The following COL6A6 variants were observed in gnomAD, a reference collection of about 807,000 sequenced individuals.
COL6A6 encodes the protein collagen alpha-6(VI) chain.
A neutral mutation model predicts 208.6 loss-of-function variants in COL6A6; 183 were observed. The ratio of observed to expected loss-of-function variants is 0.88; its 90% CI spans 0.78 to 0.99. The LOEUF (loss-of-function observed/expected upper bound fraction) is 0.99. COL6A6 is among the 50% of genes least tolerant of loss of function. COL6A6 has a pLI of 0.00. For synonymous variants in COL6A6, 973 were observed against 1,011.8 expected (o/e 0.96, Z 0.73); for missense variants, 2,816 against 2,815.2 (o/e 1.00, Z -0.01).
In COL6A6 at chr3:130,661,652, A is replaced by G; in HGVS notation, c.5846A>G (p.Asp1949Gly). ...TGGTTCACAGATGTGTGCAAGCCAG[A>G]TGCTTCTTGTGACCAAGCCAGACCA... Reference protein sequence around the residue: ...CTFCYDVCKPDASCDQARPPP... With the variant: ...CTFCYDVCKPGASCDQARPPP... The change falls in exon 35 of 37, where the codon GAT (aspartate) becomes GGT (glycine). Residue 1949 changes from aspartate to glycine, a missense_variant. Physicochemically the swap from Asp to Gly is moderately conservative, Grantham distance 94 (BLOSUM62 -1). Transcript: ENST00000358511. 3 of 1,612,620 alleles carry G rather than the reference A, an allele frequency of 1.9e-6. No homozygotes were observed. Among genetic ancestry groups the G allele is most frequent in the Non-Finnish European group, 2.5e-6 (3 of 1,179,240 alleles).
intron 36 of COL6A6, 30 bp from the exon 37 acceptor site, chr3:130,675,172 T>A: frequency 7.2e-7 from 1 of 1,384,434 alleles, no homozygotes; most frequent in Non-Finnish European, 9.7e-7. Flanking sequence ...ATGGCATTTA[T>A]CTTCTATGAT....
intron 1 of COL6A6, among the ~76,000 whole-genome samples, chr3:130,547,382 C>T (rs917967458): frequency 2.0e-5 from 3 of 152,272 alleles, no homozygotes; most frequent in Non-Finnish European, 4.4e-5. Context: ...GCGGCACCCA[C>T]TGGGAACTCG....
At chr3:130,554,360 C>A (rs1185891536) in intron 1 of COL6A6, among the ~76,000 whole-genome samples, 1 of 152,158 alleles carries the variant, frequency 6.6e-6, no homozygotes, top group Non-Finnish European at 1.5e-5. Context: ...CTGGTGCAGA[C>A]GTGCTGACCT....
At chr3:130,561,693 C>T (rs1490298264) in intron 2 of COL6A6, among the ~76,000 whole-genome samples, 2 of 127,612 alleles carry the variant, frequency 1.6e-5, no homozygotes, top group Non-Finnish European at 3.1e-5. Flanking sequence ...TCGCCCAGGC[C>T]AGACTGCGGA....
At chr3:130,560,278 A>T (rs1199171291) in intron 1 of COL6A6, 56 bp from the exon 2 acceptor site, 2 of 1,094,386 alleles carry the variant, frequency 1.8e-6, no homozygotes, top group Non-Finnish European at 2.7e-6. Flanking sequence ...CTTGTATGTG[A>T]GTCTTAATTC....
chr3:130,542,209 C>T (rs1250643594), intron 1 of COL6A6, among the ~76,000 whole-genome samples: 8 of 150,384 alleles, frequency 5.3e-5, no homozygotes, highest in South Asian at 2.1e-4. Flanking sequence ...TAATTCACTG[C>T]GTCACACAAA....
intron 28 of COL6A6, among the ~76,000 whole-genome samples, chr3:130,639,034 A>T (rs555644657): frequency 3.0e-4 from 46 of 152,200 alleles, no homozygotes; most frequent in Non-Finnish European, 5.7e-4. Flanking sequence ...TATGTTCTCT[A>T]TTCCCTATTT....
intron 17 of COL6A6, 48 bp downstream of exon 17, chr3:130,593,300 G>A: frequency 6.9e-7 from 1 of 1,454,758 alleles, no homozygotes; most frequent in Non-Finnish European, 9.6e-7. Flanking sequence ...GGGGATTAAG[G>A]GTGTGATTAA....
intron 5 of COL6A6, among the ~76,000 whole-genome samples, 166 bp from the exon 6 acceptor site, chr3:130,567,881 C>A (rs970064851): frequency 6.6e-6 from 1 of 152,188 alleles, no homozygotes. Context: ...TACTAAATAA[C>A]AAATAGAATA....
At position 130,643,010 on chromosome 3, in the gene COL6A6, G is replaced by A. The variant is rs181707887; in HGVS notation, c.5214G>A (p.Val1738=). 1.2e-6 allele frequency: 2 copies of A among 1,613,784 alleles called. No homozygotes were observed. The highest frequency in any genetic ancestry group is 1.3e-5 in the African/African-American group (1 of 75,046). The part of the protein sequence containing the change: ...SFSTCELIQY[V]RDRSPGRHGK... ...AGACATGTGAGCTCATTCAGTATGT[G>A]CGAGACCGCAGTCGTAAGTACCCTG... Residue 1738 remains valine, a synonymous_variant, in exon 31 of 37, where the codon GTG becomes GTA. Coordinates refer to ENST00000358511, the MANE Select transcript of COL6A6 (RefSeq NM_001102608.3).
At chr3:130,585,064 G>T (rs2063507189) in intron 10 of COL6A6, among the ~76,000 whole-genome samples, 1 of 152,008 alleles carries the variant, frequency 6.6e-6, no homozygotes, top group Non-Finnish European at 1.5e-5. Context: ...ATTTAAGAAG[G>T]TGTTCTTGAC....
chr3:130,554,178 A>C (rs1265368874), intron 1 of COL6A6, among the ~76,000 whole-genome samples: 1 of 152,206 alleles, frequency 6.6e-6, no homozygotes, highest in African/African-American at 2.4e-5. Flanking sequence ...GCAGTTTTGC[A>C]TGTGGCACCA....
At chr3:130,539,606 C>T (rs1175733903) in intron 1 of COL6A6, among the ~76,000 whole-genome samples, 2 of 145,658 alleles carry the variant, frequency 1.4e-5, no homozygotes, top group Non-Finnish European at 3.0e-5. Flanking sequence ...GCACTCCCGC[C>T]TGGACAACAG....
chr3:130,599,884 G>T, intron 20 of COL6A6, 74 bp downstream of exon 20: 1 of 1,375,954 alleles, frequency 7.3e-7, no homozygotes, highest in Admixed American at 1.7e-5. Context: ...TGACTTTGGG[G>T]GAGTGGGTGG....
chr3:130,621,849 G>T lies in COL6A6; in HGVS notation c.4844G>T (p.Gly1615Val), dbSNP rs756503217. The T allele has an allele frequency of 2.7e-5, 43 of 1,613,724 alleles. No individual in the cohort carries two copies. Among genetic ancestry groups the T allele is most frequent in the Non-Finnish European group, 3.6e-5 (42 of 1,179,822 alleles). The change falls in exon 24 of 37, where the codon GGG (glycine) becomes GTG (valine). Residue 1615 changes from glycine to valine, a missense_variant. By Grantham distance (109) the Gly-to-Val change is moderately radical (BLOSUM62 -3). Coordinates refer to ENST00000358511, the MANE Select transcript of COL6A6 (RefSeq NM_001102608.3). ...QGPPGPGGEA[G>V]NQGRLGSQGN... ...CCTCCAGGACCCGGAGGAGAGGCAG[G>T]GAATCAAGGCCGTTTGGGAAGCCAA...
chr3:130,531,039 G>C (rs28420152), intron 1 of COL6A6, among the ~76,000 whole-genome samples: 1,529 of 137,980 alleles, frequency 0.011, 32 homozygotes, highest in African/African-American at 0.043. Flanking sequence ...CACACACACA[G>C]ACACACACAC....
chr3:130,574,605 T>C (rs763245911), intron 8 of COL6A6, 80 bp downstream of exon 8: 2 of 1,102,408 alleles, frequency 1.8e-6, no homozygotes, highest in Non-Finnish European at 2.6e-6. Context: ...TGTCATCCCC[T>C]GGGGCTAGTG....
intron 18 of COL6A6, among the ~76,000 whole-genome samples, chr3:130,596,487 GTT>G (rs1185813119): frequency 6.6e-6 from 1 of 152,060 alleles, no homozygotes; most frequent in Admixed American, 6.6e-5. Context: ...AAACAACTCT[GTT>G]TTTTTACATG....
intron 6 of COL6A6, among the ~76,000 whole-genome samples, chr3:130,569,865 C>G (rs1203026197): frequency 6.6e-6 from 1 of 152,154 alleles, no homozygotes; most frequent in Non-Finnish European, 1.5e-5. Context: ...TACAATGGCT[C>G]TAAGGTTTTC....
Sources: allele counts gnomAD v4.1 joint callset (sites outside exome capture counted in the v4.1 genomes callset), GRCh38; gene constraint gnomAD v4.1.1; transcripts MANE v1.5; gene names NCBI Gene and HGNC (gene_info 2026-07-23, HGNC 2026-07-21).